Variants in PCDHA6 observed in about 807,000 individuals in gnomAD.
The protein encoded by PCDHA6 is protocadherin alpha-6.
PCDHA6 carries 55 observed loss-of-function variants against 60.3 expected under a neutral mutation model. The observed-to-expected ratio is 0.91, with a 90% CI of 0.73 to 1.14. The LOEUF is 1.14. Ranked by LOEUF, PCDHA6 falls within the 50% of genes most tolerant of loss-of-function variation. The pLI, the probability that PCDHA6 is intolerant of heterozygous loss-of-function variation, is 0.00. For synonymous variants in PCDHA6, 652 were observed against 557.9 expected, an observed-to-expected ratio of 1.17 and a Z score of -2.38; for missense variants, 1,327 against 1,256.5, an observed-to-expected ratio of 1.06 and a Z score of -0.85.
intron 1 of PCDHA6, chr5:140,884,471 G>T (rs2060197778): frequency 1.2e-6 from 2 of 1,613,684 alleles, no homozygotes; most frequent in Admixed American, 3.3e-5. Flanking sequence ...GTGCGCGCCG[G>T]GCAAGCCCAC....
At chr5:140,875,463 A>G in intron 1 of PCDHA6, 1 of 1,599,288 alleles carries the variant, frequency 6.3e-7, no homozygotes, top group Non-Finnish European at 8.5e-7. Context: ...AGAGGCCCTC[A>G]TTTTCTGCAA....
chr5:140,980,575 A>C (rs901433332), intron 2 of PCDHA6, among the ~76,000 whole-genome samples: 3 of 152,296 alleles, frequency 2.0e-5, no homozygotes, highest in Admixed American at 1.3e-4. Context: ...AGTTGCAGTG[A>C]GCCAAGATCG....
At chr5:140,869,561 C>T (rs781968482) in intron 1 of PCDHA6, 28 of 1,614,032 alleles carry the variant, frequency 1.7e-5, no homozygotes, top group Middle Eastern at 1.6e-4. Context: ...TCGCGTTTTC[C>T]ACTAGAGGGA....
rs2150186918 is a variant in PCDHA6 at position 140,830,469 on chromosome 5, A to C, written c.2378A>C (p.Glu793Ala). The C allele has an allele frequency of 3.2e-6, 5 of 1,570,612 alleles. No homozygotes were observed. The highest frequency in any genetic ancestry group is 8.7e-7 in the Non-Finnish European group (1 of 1,155,258). Residue 793 changes from glutamate (E) to alanine (A), a missense_variant, in exon 1 of 4, where the codon GAA becomes GCA. Coordinates refer to ENST00000529310, the MANE Select transcript of PCDHA6 (RefSeq NM_018909.4). ...AAGGCGGAGAATCAGGATTTAAATGAAGATCATGATGCCAAAGTAAGTGAA... is the reference window on the plus strand; with the variant it reads ...AAGGCGGAGAATCAGGATTTAAATGCAGATCATGATGCCAAAGTAAGTGAA... ...MGKAENQDLN[E>A]DHDAKPRQPN...
intron 1 of PCDHA6, chr5:140,857,310 A>G (rs781828328): frequency 6.3e-7 from 1 of 1,598,492 alleles, no homozygotes; most frequent in Non-Finnish European, 8.6e-7. Context: ...TCGGCCTATG[A>G]GCTGGTGGTG....
In PCDHA6 at chr5:140,982,461, G is replaced by A. The variant is rs765899879; in HGVS notation, c.2454-14G>A. The A allele has an allele frequency of 4.7e-5, 76 of 1,614,088 alleles. No individual in the cohort carries two copies. The highest frequency in any genetic ancestry group is 5.8e-5 in the Non-Finnish European group (68 of 1,180,014). On this transcript the variant is annotated splice_polypyrimidine_tract_variant and intron_variant, in intron 2 of 3. Coordinates refer to ENST00000529310, the MANE Select transcript of PCDHA6 (RefSeq NM_018909.4). ...TATGATCTAACCGTTATCTGGGTCTGTGTGTTTATTCAGCTCTGTGCACCT... is the reference window on the plus strand; with the variant it reads ...TATGATCTAACCGTTATCTGGGTCTATGTGTTTATTCAGCTCTGTGCACCT...
rs868942705 is a variant in PCDHA6 at position 140,935,763 on chromosome 5, C to T, written c.2395-43186C>T. Reference sequence around the variant, plus strand: ...TATTCCATACAATACACATTCTTCCCCACTTTGAGTTTTTTCACTTAAAAA... The same window carrying T: ...TATTCCATACAATACACATTCTTCCTCACTTTGAGTTTTTTCACTTAAAAA... On this transcript the variant is annotated intron_variant, in intron 1 of 3. Coordinates refer to ENST00000529310, the MANE Select transcript of PCDHA6 (RefSeq NM_018909.4). Among the ~76,000 whole-genome samples, 111 of 152,180 alleles carry T rather than the reference C, an allele frequency of 7.3e-4. 1 individual carries two copies. The highest frequency in any genetic ancestry group is 3.4e-3 in the Middle Eastern group (1 of 294).
Position 140,843,081 on chromosome 5 carries a change from C to G in PCDHA6, c.2394+12596C>G, listed in dbSNP as rs2150352051. 5.6e-6 allele frequency: 9 copies of G among 1,595,424 alleles called. No homozygotes were observed. The African/African-American group carries it at 8.1e-5, about 14-fold the overall frequency. ...AAGCTGGTGCCGCGGTCTGTGGGCG[C>G]GGGCCACGTGGTAGCGAAGGTGCGC... On this transcript the variant is annotated intron_variant, in intron 1 of 3. Coordinates refer to ENST00000529310, the MANE Select transcript of PCDHA6 (RefSeq NM_018909.4).
At chr5:140,872,364 G>A (rs538641401) in intron 1 of PCDHA6, among the ~76,000 whole-genome samples, 1 of 152,132 alleles carries the variant, frequency 6.6e-6, no homozygotes, top group South Asian at 2.1e-4. Context: ...AAGTGGTTCA[G>A]GCCTGTAATC....
rs1220718510 is a variant in PCDHA6, at chr5:140,898,104, A to T, written c.2394+67619A>T. 2.0e-5 allele frequency among the ~76,000 whole-genome samples: 3 copies of T among 152,110 alleles called. No individual in the cohort carries two copies. In the South Asian group the frequency reaches 6.2e-4, roughly 32 times the overall value. On this transcript the variant is annotated intron_variant, in intron 1 of 3. Coordinates refer to ENST00000529310, the MANE Select transcript of PCDHA6 (RefSeq NM_018909.4). Reference sequence around the variant, plus strand: ...CTGGATATTAGCCCTTTGTCAGATGAGTAGGTTGCGAAAATTTTCTCCCAT... The same window carrying T: ...CTGGATATTAGCCCTTTGTCAGATGTGTAGGTTGCGAAAATTTTCTCCCAT...
intron 1 of PCDHA6, among the ~76,000 whole-genome samples, chr5:140,832,886 A>G (rs1334973286): frequency 1.3e-5 from 2 of 152,182 alleles, no homozygotes; most frequent in African/African-American, 4.8e-5. Context: ...TAAAATGGAA[A>G]GAGTTTTCCC....
At chr5:140,910,485 A>G (rs1251216481) in intron 1 of PCDHA6, among the ~76,000 whole-genome samples, 1 of 152,206 alleles carries the variant, frequency 6.6e-6, no homozygotes. Flanking sequence ...TGGCATACAG[A>G]GAAGAGCAAT....
At chr5:140,958,515 A>G (rs1217324801) in intron 1 of PCDHA6, among the ~76,000 whole-genome samples, 1 of 152,150 alleles carries the variant, frequency 6.6e-6, no homozygotes, top group Non-Finnish European at 1.5e-5. Flanking sequence ...TGGCTGTCCA[A>G]TATATACTAT....
intron 1 of PCDHA6, chr5:140,856,153 C>T: frequency 1.3e-6 from 2 of 1,598,310 alleles, no homozygotes; most frequent in Non-Finnish European, 1.7e-6. Flanking sequence ...ACTCAGTCTA[C>T]GAGGAGGCCA....
At chr5:140,987,956 C>T (rs1270495363) in intron 3 of PCDHA6, among the ~76,000 whole-genome samples, 2 of 152,144 alleles carry the variant, frequency 1.3e-5, no homozygotes, top group African/African-American at 4.8e-5. Flanking sequence ...ACAAAACCAA[C>T]TCCCCATGGA....
In PCDHA6 at chr5:140,982,522, G is replaced by A; in HGVS notation, c.2501G>A (p.Gly834Glu). Residue 834 changes from glycine to glutamate, a missense_variant, in exon 3 of 4, where the codon GGG (glycine) becomes GAG (glutamate). Coordinates refer to ENST00000529310, the MANE Select transcript of PCDHA6 (RefSeq NM_018909.4). ...GGCATTCTACGGGCTGGTCCAGGAG[G>A]GCCTGATCAGCAGTGGCCAACAGTA... ...EAGILRAGPG[G>E]PDQQWPTVSS... 2.5e-6 allele frequency: 4 copies of A among 1,614,182 alleles called. No homozygotes were observed. Among genetic ancestry groups the A allele is most frequent in the Non-Finnish European group, 3.4e-6 (4 of 1,180,032 alleles).
rs2150476991 is a variant in PCDHA6 at position 140,850,274 on chromosome 5, G to T, written c.2394+19789G>T. Reference sequence around the variant, plus strand: ...TGGGCGCCGGCGTAGTGGTGGGGAAGGTGCGCGCAGTGGACGCCGACTCGG... The same window carrying T: ...TGGGCGCCGGCGTAGTGGTGGGGAATGTGCGCGCAGTGGACGCCGACTCGG... On this transcript the variant is annotated intron_variant, in intron 1 of 3. Coordinates refer to ENST00000529310, the MANE Select transcript of PCDHA6 (RefSeq NM_018909.4). The T allele has an allele frequency of 3.8e-6, 6 of 1,595,442 alleles. 1 individual carries two copies. In the African/African-American group the frequency reaches 4.0e-5, roughly 11 times the overall value.
At position 140,829,513 on chromosome 5, in the gene PCDHA6, C is replaced by T. The variant is rs146722468; in HGVS notation, c.1422C>T (p.Ile474=). ...AGAACAACCCGCCGGGCTGCCACAT[C>T]TTCACGGTGTCTGCGCGAGACGCGG... ...VKENNPPGCH[I]FTVSARDADA... Residue 474 remains isoleucine, a synonymous_variant, in exon 1 of 4, where the codon ATC becomes ATT. Transcript: ENST00000529310. 3.1e-4 allele frequency: 493 copies of T among 1,613,532 alleles called. 1 individual carries two copies. In the African/African-American group the frequency reaches 5.8e-3, roughly 19 times the overall value.
intron 1 of PCDHA6, among the ~76,000 whole-genome samples, chr5:140,840,697 A>G (rs2150308964): frequency 0.01 from 1,558 of 152,188 alleles, 49 homozygotes; most frequent in African/African-American, 0.036. Context: ...AAAACGGTTC[A>G]GGCAATTTGA....
Sources: allele counts gnomAD v4.1 joint callset (sites outside exome capture counted in the v4.1 genomes callset), GRCh38; gene constraint gnomAD v4.1.1; transcripts MANE v1.5; gene names NCBI Gene and HGNC (gene_info 2026-07-23, HGNC 2026-07-21).